GXYLT1: variants seen among roughly 807,000 people sequenced by gnomAD.
The protein encoded by GXYLT1 is glucoside xylosyltransferase 1, also known as glycosyltransferase 8 domain containing 3.
A neutral mutation model predicts 54.0 loss-of-function variants in GXYLT1; 29 were observed. The ratio of observed to expected loss-of-function variants is 0.54; its 90% CI spans 0.40 to 0.73. The LOEUF is 0.73. Ranked by LOEUF, GXYLT1 falls within the 30% of genes least tolerant of loss-of-function variation. GXYLT1 has a pLI of 0.00. For synonymous variants in GXYLT1, 176 were observed against 204.1 expected, an observed-to-expected ratio of 0.86 and a Z score of 1.17; for missense variants, 490 against 553.4, an observed-to-expected ratio of 0.89 and a Z score of 1.15.
intron 1 of GXYLT1, among the ~76,000 whole-genome samples, chr12:42,140,272 A>G (rs148242390): frequency 1.4e-5 from 2 of 139,076 alleles, no homozygotes; most frequent in East Asian, 4.5e-4. Flanking sequence ...TTTTGGTTTT[A>G]TAACAAGCTG....
At chr12:42,088,670 A>T (rs192668908) in intron 7 of GXYLT1, among the ~76,000 whole-genome samples, 18 of 152,306 alleles carry the variant, frequency 1.2e-4, no homozygotes, top group Non-Finnish European at 2.2e-4. Context: ...AGTGGAAATA[A>T]TAAGTAATCT....
intron 3 of GXYLT1, among the ~76,000 whole-genome samples, chr12:42,113,230 G>A (rs1357945412): frequency 6.6e-6 from 1 of 151,052 alleles, no homozygotes; most frequent in Non-Finnish European, 1.5e-5. Flanking sequence ...GAACTAACGA[G>A]CAAAATAACC....
At chr12:42,114,441 A>G (rs2065479844) in intron 3 of GXYLT1, among the ~76,000 whole-genome samples, 1 of 152,224 alleles carries the variant, frequency 6.6e-6, no homozygotes, top group African/African-American at 2.4e-5. Flanking sequence ...AACATGATAA[A>G]GGGGATATCA....
In GXYLT1 at chr12:42,144,752, C is replaced by A. The variant is rs2065673077; in HGVS notation, c.-106G>T. The stretch of plus-strand genomic sequence containing the variant: ...CCGCGGGCGCAACAAGTTCCTCACC[C>A]GCAGCCGCCGCCGCCGCCTTGCGCC... On this transcript the variant is annotated 5_prime_UTR_variant, in exon 1 of 8. Coordinates refer to ENST00000398675, the MANE Select transcript of GXYLT1 (RefSeq NM_173601.2). The A allele has an allele frequency of 2.5e-6, 2 of 793,406 alleles. No individual in the cohort carries two copies. The highest frequency in any genetic ancestry group is 1.7e-6 in the Non-Finnish European group (1 of 575,544). 49.1% of individuals were successfully genotyped at this position (793,406 alleles called of 1,614,324 possible). A position where few individuals can be genotyped will look rare whatever the true frequency, so the allele number is the denominator to read the frequency against.
chr12:42,122,643 TAAG>T (rs1489591669), intron 2 of GXYLT1, among the ~76,000 whole-genome samples: 1 of 152,060 alleles, frequency 6.6e-6, no homozygotes, highest in Admixed American at 6.6e-5. Flanking sequence ...AATAAAGGGG[TAAG>T]AAGAGGGAAC....
At chr12:42,121,457 C>G (rs2136907990) in intron 2 of GXYLT1, among the ~76,000 whole-genome samples, 1 of 152,112 alleles carries the variant, frequency 6.6e-6, no homozygotes, top group African/African-American at 2.4e-5. Context: ...CACAGCGAGA[C>G]CCAGTATCCA....
At chr12:42,097,866 T>A in intron 6 of GXYLT1, 44 bp downstream of exon 6, 12 of 1,412,052 alleles carry the variant, frequency 8.5e-6, no homozygotes, top group Non-Finnish European at 1.2e-5. Context: ...CTAAGTATTA[T>A]CTGTGATTTT....
chr12:42,116,581 C>T (rs1303576286), intron 3 of GXYLT1, among the ~76,000 whole-genome samples: 1 of 152,146 alleles, frequency 6.6e-6, no homozygotes, highest in Non-Finnish European at 1.5e-5. Flanking sequence ...CAACGAGATA[C>T]CATCTCACAC....
At chr12:42,131,484 A>T (rs2065593757) in intron 1 of GXYLT1, among the ~76,000 whole-genome samples, 1 of 152,220 alleles carries the variant, frequency 6.6e-6, no homozygotes. Context: ...GGTGGTTTTT[A>T]AAATGCTGCC....
At chr12:42,132,052 T>C (rs1360505339) in intron 1 of GXYLT1, among the ~76,000 whole-genome samples, 2 of 152,182 alleles carry the variant, frequency 1.3e-5, no homozygotes, top group Admixed American at 1.3e-4. Flanking sequence ...ACAAATTCAA[T>C]TTTTCTATAA....
At chr12:42,129,464 T>C (rs1279581852) in intron 2 of GXYLT1, among the ~76,000 whole-genome samples, 5 of 152,182 alleles carry the variant, frequency 3.3e-5, no homozygotes, top group Admixed American at 3.3e-4. Context: ...AGTAGAAGCC[T>C]ATTTTTATCC....
rs75194020 is a variant in GXYLT1 at position 42,106,007 on chromosome 12, T to C, written c.675A>G (p.Pro225=). The change falls in exon 5 of 8, where the codon CCA becomes CCG. Residue 225 remains proline, a synonymous_variant. Coordinates refer to ENST00000398675, the MANE Select transcript of GXYLT1 (RefSeq NM_173601.2). The part of the protein sequence containing the change: ...YVDTDILFLR[P]VDDIWSLLKK... ...TTAGTAAAGACCAAATATCATCAACTGGTCGTAAAAAAAGGATATCAGTGT... is the reference window on the plus strand; with the variant it reads ...TTAGTAAAGACCAAATATCATCAACCGGTCGTAAAAAAAGGATATCAGTGT... The C allele has an allele frequency of 1.4e-6, 2 of 1,387,648 alleles. No individual in the cohort carries two copies. The highest frequency in any genetic ancestry group is 1.6e-5 in the South Asian group (1 of 64,506). 86.0% of individuals were successfully genotyped at this position (1,387,648 alleles called of 1,614,324 possible).
chr12:42,137,139 C>G (rs1197305439), intron 1 of GXYLT1, among the ~76,000 whole-genome samples: 1 of 152,108 alleles, frequency 6.6e-6, no homozygotes, highest in Non-Finnish European at 1.5e-5. Flanking sequence ...TCAGTGAAAA[C>G]TATGCAAAAC....
rs1002743828 is a variant in GXYLT1, at chr12:42,086,007, G to T, written c.*1779C>A. ...ACAGACTCCCTCCTAGACACAGCAT[G>T]CCAGAGTCTCCAAAGGCCTAGCTCA... On this transcript the variant is annotated 3_prime_UTR_variant, in exon 8 of 8. Transcript: ENST00000398675. The T allele has an allele frequency of 1.3e-5, 2 of 151,162 alleles. No individual in the cohort carries two copies. Among genetic ancestry groups the T allele is most frequent in the Non-Finnish European group, 1.5e-5 (1 of 67,732 alleles). 9.4% of individuals were successfully genotyped at this position (151,162 alleles called of 1,614,324 possible). A position where few individuals can be genotyped will look rare whatever the true frequency, so the allele number is the denominator to read the frequency against.
intron 3 of GXYLT1, among the ~76,000 whole-genome samples, chr12:42,110,394 G>C (rs557613823): frequency 6.6e-6 from 1 of 152,142 alleles, no homozygotes; most frequent in South Asian, 2.1e-4. Flanking sequence ...TCTATGGGGG[G>C]GAAAAAACTA....
In GXYLT1 at chr12:42,087,693, A is replaced by T. The variant is rs2065303744; in HGVS notation, c.*93T>A. On this transcript the variant is annotated 3_prime_UTR_variant, in exon 8 of 8. Coordinates refer to ENST00000398675, the MANE Select transcript of GXYLT1 (RefSeq NM_173601.2). Reference sequence around the variant, plus strand: ...AAAAAAAATTATTCTGGAGATGAGTAATTCCTTCCTGAATACTTCATCCAA... The same window carrying T: ...AAAAAAAATTATTCTGGAGATGAGTTATTCCTTCCTGAATACTTCATCCAA... 11 of 872,408 alleles carry T rather than the reference A, an allele frequency of 1.3e-5. No homozygotes were observed. The highest frequency in any genetic ancestry group is 3.5e-5 in the Admixed American group (1 of 28,196). 54.0% of individuals were successfully genotyped at this position (872,408 alleles called of 1,614,324 possible). A position where few individuals can be genotyped will look rare whatever the true frequency, so the allele number is the denominator to read the frequency against.
At chr12:42,090,941 T>G (rs2136872628) in intron 7 of GXYLT1, among the ~76,000 whole-genome samples, 1 of 152,046 alleles carries the variant, frequency 6.6e-6, no homozygotes, top group South Asian at 2.1e-4. Context: ...ATTTAACAAA[T>G]ATGCATGGAC....
chr12:42,108,635 T>C (rs2065434499), intron 4 of GXYLT1, among the ~76,000 whole-genome samples: 2 of 152,168 alleles, frequency 1.3e-5, no homozygotes, highest in African/African-American at 4.8e-5. Context: ...TCCTAGGATA[T>C]AACTTTTTAG....
intron 3 of GXYLT1, 134 bp from the exon 4 acceptor site, chr12:42,109,825 G>C (rs1288445733): frequency 5.5e-6 from 3 of 547,640 alleles, no homozygotes; most frequent in Non-Finnish European, 3.1e-6. Flanking sequence ...TTAAAGGAAA[G>C]ATTCTTCTGT....
Sources: gnomAD v4.1 joint callset for allele counts (sites outside exome capture counted in the v4.1 genomes callset) on GRCh38, gnomAD v4.1.1 for gene constraint, MANE v1.5 for transcripts, NCBI Gene and HGNC (gene_info 2026-07-23, HGNC 2026-07-21) for gene names.